The following CCDC195 variants were observed in gnomAD, a reference collection of about 807,000 sequenced individuals.
CCDC195 encodes coiled-coil domain-containing protein 195.
intron 1 of CCDC195, among the ~76,000 whole-genome samples, chr2:224,714,502 T>C (rs1689358121): frequency 6.6e-6 from 1 of 152,186 alleles, no homozygotes; most frequent in South Asian, 2.1e-4. Context: ...GGAGACATTA[T>C]TGATGGTCAT....
intron 2 of CCDC195, among the ~76,000 whole-genome samples, chr2:224,709,363 G>A (rs1689279722): frequency 6.6e-6 from 1 of 151,972 alleles, no homozygotes; most frequent in Non-Finnish European, 1.5e-5. Context: ...GTGCTTTCTT[G>A]ACTGTTGTCT....
chr2:224,708,531 A>G (rs1438844295), intron 2 of CCDC195, among the ~76,000 whole-genome samples: 2 of 152,098 alleles, frequency 1.3e-5, no homozygotes, highest in Non-Finnish European at 2.9e-5. Context: ...GACTCCAGTT[A>G]ATCTCCCTGC....
intron 1 of CCDC195, among the ~76,000 whole-genome samples, chr2:224,715,738 C>G (rs1023426286): frequency 1.3e-5 from 2 of 152,144 alleles, no homozygotes; most frequent in Non-Finnish European, 2.9e-5. Flanking sequence ...CATCCATTCC[C>G]TTATCTGGTG....
At chr2:224,707,224 AC>A (rs145440838) in intron 2 of CCDC195, among the ~76,000 whole-genome samples, 63,310 of 151,728 alleles carry the variant, frequency 0.42, 13,192 homozygotes, top group East Asian at 0.47. Flanking sequence ...CAACCCAAGA[AC>A]TTTTTACAAA....
chr2:224,706,228 C>T (rs1697239629), intron 2 of CCDC195, among the ~76,000 whole-genome samples: 1 of 24,672 alleles, frequency 4.1e-5, no homozygotes, highest in South Asian at 1.4e-3. Context: ...TTTTTTGAGA[C>T]AGAGTCTCAC....
chr2:224,704,158 G>A (rs964164449), intron 2 of CCDC195, among the ~76,000 whole-genome samples: 2 of 152,206 alleles, frequency 1.3e-5, no homozygotes, highest in African/African-American at 2.4e-5. Context: ...ATGATTATTA[G>A]TTTGATGTTC....
intron 1 of CCDC195, among the ~76,000 whole-genome samples, chr2:224,710,865 T>C (rs1689312058): frequency 6.6e-6 from 1 of 152,152 alleles, no homozygotes; most frequent in Non-Finnish European, 1.5e-5. Flanking sequence ...GACAAGGGGA[T>C]AGAGACAGAT....
intron 2 of CCDC195, among the ~76,000 whole-genome samples, chr2:224,706,547 T>C (rs936937644): frequency 2.2e-5 from 3 of 137,968 alleles, no homozygotes; most frequent in South Asian, 2.5e-4. Context: ...AGTCTCGCTG[T>C]GTTGCCAGGC....
chr2:224,704,553 A>C (rs1697214744), intron 2 of CCDC195, among the ~76,000 whole-genome samples: 1 of 144,018 alleles, frequency 6.9e-6, no homozygotes, highest in South Asian at 2.2e-4. Context: ...ACTGAATGAC[A>C]TTTGGTGGCC....
intron 1 of CCDC195, among the ~76,000 whole-genome samples, chr2:224,715,243 G>T (rs534171288): frequency 2.2e-4 from 34 of 152,250 alleles, no homozygotes; most frequent in Admixed American, 1.9e-3. Flanking sequence ...TAAGAGTTTT[G>T]AGTATTTAAT....
chr2:224,715,709 C>A (rs1472429538), intron 1 of CCDC195, among the ~76,000 whole-genome samples: 1 of 152,144 alleles, frequency 6.6e-6, no homozygotes, highest in Non-Finnish European at 1.5e-5. Flanking sequence ...CAATTGGCAA[C>A]CATATTTGTT....
intron 1 of CCDC195, among the ~76,000 whole-genome samples, chr2:224,715,914 T>C (rs1306803491): frequency 2.0e-5 from 3 of 152,112 alleles, no homozygotes; most frequent in African/African-American, 7.2e-5. Context: ...TCCCAGCAAA[T>C]ATGGAAGTAA....
intron 2 of CCDC195, among the ~76,000 whole-genome samples, chr2:224,707,969 T>C: frequency 1.5e-5 from 1 of 67,234 alleles, no homozygotes; most frequent in African/African-American, 7.1e-5. Flanking sequence ...CCTCCCTCCC[T>C]TCTTCCCTCC....
rs16866134 is a variant in CCDC195 at position 224,716,096 on chromosome 2, G to A, written c.235+35C>T. On this transcript the variant is annotated intron_variant, in intron 1 of 2. Coordinates refer to ENST00000638102, the Ensembl canonical transcript of CCDC195. Reference sequence around the variant, plus strand: ...ACTATTTCACGATATTTGCAAAATGGGCACAGCCCACAAGAGCTCAGAATG... The same window carrying A: ...ACTATTTCACGATATTTGCAAAATGAGCACAGCCCACAAGAGCTCAGAATG... The A allele has an allele frequency of 3.4e-3, 1,351 of 398,204 alleles. 16 individuals carry two copies. Among genetic ancestry groups the A allele is most frequent in the African/African-American group, 0.025 (1,235 of 48,692 alleles). 24.7% of individuals were successfully genotyped at this position (398,204 alleles called of 1,614,324 possible). A position where few individuals can be genotyped will look rare whatever the true frequency, so the allele number is the denominator to read the frequency against.
At chr2:224,704,610 C>CTTTTTTTTTTTTTTTTCTTTTTTTTTT (rs1398110494) in intron 2 of CCDC195, among the ~76,000 whole-genome samples, 2 of 110,642 alleles carry the variant, frequency 1.8e-5, no homozygotes, top group Non-Finnish European at 3.5e-5. Context: ...CTTTTCTTTT[C>CTTTTTTTTTTTTTTTTCTTTTTTTTTT]TTTTTTTTTT....
chr2:224,704,610 C>CTTTTTTTTTTTTTTTTTTTTTT (rs55801561), intron 2 of CCDC195, among the ~76,000 whole-genome samples: 281 of 110,612 alleles, frequency 2.5e-3, no homozygotes, highest in Middle Eastern at 6.3e-3. Context: ...CTTTTCTTTT[C>CTTTTTTTTTTTTTTTTTTTTTT]TTTTTTTTTT....
At chr2:224,709,920 G>A (rs945066946) in intron 2 of CCDC195, 53 bp downstream of exon 2, 3 of 398,364 alleles carry the variant, frequency 7.5e-6, no homozygotes, top group African/African-American at 4.1e-5. Flanking sequence ...GAAAGTCTCA[G>A]TAACCATCTC....
At chr2:224,705,803 C>T (rs986737144) in intron 2 of CCDC195, among the ~76,000 whole-genome samples, 4 of 152,088 alleles carry the variant, frequency 2.6e-5, no homozygotes, top group Non-Finnish European at 4.4e-5. Context: ...TTAATACAAC[C>T]TTGCAATTGG....
intron 1 of CCDC195, 111 bp downstream of exon 1, chr2:224,716,020 A>G (rs1689378559): frequency 2.5e-6 from 1 of 397,166 alleles, no homozygotes; most frequent in Non-Finnish European, 4.4e-6. Flanking sequence ...GATGAAACCC[A>G]CCACCGTTAT....
Sources: allele counts gnomAD v4.1 joint callset (sites outside exome capture counted in the v4.1 genomes callset), GRCh38; gene constraint gnomAD v4.1.1; transcripts MANE v1.5; gene names NCBI Gene and HGNC (gene_info 2026-07-23, HGNC 2026-07-21).